Variants in ATP6V1H observed in about 807,000 individuals in gnomAD.
The protein encoded by ATP6V1H is V-type proton ATPase subunit H.
A neutral mutation model predicts 71.7 loss-of-function variants in ATP6V1H; 39 were observed. That is an observed-to-expected ratio of 0.54 (90% CI 0.42 to 0.71). ATP6V1H has a LOEUF of 0.71. Among genes scored for constraint, ATP6V1H ranks in the 30% least tolerant of loss-of-function variants. ATP6V1H has a pLI of 0.00. For synonymous variants in ATP6V1H, 192 were observed against 199.3 expected (o/e 0.96, Z 0.31); for missense variants, 509 against 594.9 (o/e 0.86, Z 1.50).
intron 7 of ATP6V1H, among the ~76,000 whole-genome samples, chr8:53,806,158 G>T (rs967993039): frequency 1.3e-5 from 2 of 152,044 alleles, no homozygotes; most frequent in African/African-American, 2.4e-5. Context: ...ACAAGAATCA[G>T]AAGTTTTGTC....
intron 11 of ATP6V1H, among the ~76,000 whole-genome samples, chr8:53,757,531 T>C (rs922260315): frequency 6.6e-6 from 1 of 152,344 alleles, no homozygotes; most frequent in African/African-American, 2.4e-5. Context: ...AACTTCTCAA[T>C]TCATTCTAAA....
intron 8 of ATP6V1H, among the ~76,000 whole-genome samples, chr8:53,796,280 A>C (rs2130417607): frequency 6.6e-6 from 1 of 152,308 alleles, no homozygotes; most frequent in South Asian, 2.1e-4. Flanking sequence ...TGACATAGCC[A>C]ATTACTGAAT....
chr8:53,716,387 T>C (rs1806423371), intron 13 of ATP6V1H, among the ~76,000 whole-genome samples: 1 of 152,258 alleles, frequency 6.6e-6, no homozygotes, highest in South Asian at 2.1e-4. Flanking sequence ...CTGCCATTTC[T>C]GCAATCTAAG....
intron 4 of ATP6V1H, among the ~76,000 whole-genome samples, chr8:53,818,551 G>A (rs1314404760): frequency 6.6e-6 from 1 of 152,162 alleles, no homozygotes; most frequent in Non-Finnish European, 1.5e-5. Flanking sequence ...TTGTGATAAT[G>A]ATTTTATCAA....
intron 7 of ATP6V1H, among the ~76,000 whole-genome samples, chr8:53,802,478 G>T (rs1405257397): frequency 6.6e-6 from 1 of 152,192 alleles, no homozygotes; most frequent in Non-Finnish European, 1.5e-5. Flanking sequence ...TACCACTTTG[G>T]GAGGCTGAGG....
intron 7 of ATP6V1H, among the ~76,000 whole-genome samples, chr8:53,803,348 A>T (rs1400997417): frequency 6.6e-6 from 1 of 152,040 alleles, no homozygotes; most frequent in African/African-American, 2.4e-5. Flanking sequence ...AAAAAAAAAT[A>T]AAAACAGAAG....
intron 2 of ATP6V1H, among the ~76,000 whole-genome samples, chr8:53,841,199 T>A (rs1016616079): frequency 1.3e-5 from 2 of 152,166 alleles, no homozygotes; most frequent in Non-Finnish European, 2.9e-5. Flanking sequence ...TATGCACCAC[T>A]CTAAAAAGGC....
intron 4 of ATP6V1H, among the ~76,000 whole-genome samples, chr8:53,821,473 T>G (rs1810654554): frequency 6.6e-6 from 1 of 151,798 alleles, no homozygotes; most frequent in Admixed American, 6.6e-5. Flanking sequence ...TTGAGGCCAG[T>G]ATTTCGAGAC....
At chr8:53,738,523 T>C (rs760066529) in intron 13 of ATP6V1H, among the ~76,000 whole-genome samples, 1 of 152,234 alleles carries the variant, frequency 6.6e-6, no homozygotes, top group Non-Finnish European at 1.5e-5. Context: ...CCTGTTTGTC[T>C]ACAAAGCCAA....
chr8:53,807,940 G>GT (rs1399586376), intron 7 of ATP6V1H, among the ~76,000 whole-genome samples: 1 of 152,210 alleles, frequency 6.6e-6, no homozygotes, highest in Admixed American at 6.5e-5. Flanking sequence ...TACAGCTATC[G>GT]TGAGCATTTC....
At chr8:53,721,561 G>T (rs781702490) in intron 13 of ATP6V1H, among the ~76,000 whole-genome samples, 35 of 152,084 alleles carry the variant, frequency 2.3e-4, no homozygotes, top group Non-Finnish European at 3.8e-4. Context: ...GTACAGATGA[G>T]CCCAATTTAT....
intron 11 of ATP6V1H, among the ~76,000 whole-genome samples, chr8:53,762,115 T>A (rs2130279428): frequency 6.6e-6 from 1 of 152,304 alleles, no homozygotes; most frequent in South Asian, 2.1e-4. Context: ...ATTTAGTTTC[T>A]CAGCTACCAA....
chr8:53,739,717 T>C lies in ATP6V1H; in HGVS notation c.1391+3860A>G, dbSNP rs140226002. The C allele has an allele frequency of 2.0e-5, 3 of 152,372 alleles. No individual in the cohort carries two copies. In the East Asian group the frequency reaches 5.8e-4, roughly 29 times the overall value. 9.4% of individuals were successfully genotyped at this position (152,372 alleles called of 1,614,324 possible). A position where few individuals can be genotyped will look rare whatever the true frequency, so the allele number is the denominator to read the frequency against. On this transcript the variant is annotated intron_variant, in intron 13 of 13. Coordinates refer to ENST00000359530, the MANE Select transcript of ATP6V1H (RefSeq NM_015941.4). ...GGTGTATATACACAAGTTCTCTTAGTTGTCACTGTTTATATATTCTGCCAA... is the reference window on the plus strand; with the variant it reads ...GGTGTATATACACAAGTTCTCTTAGCTGTCACTGTTTATATATTCTGCCAA...
chr8:53,757,081 C>T (rs1808092998), intron 11 of ATP6V1H, among the ~76,000 whole-genome samples: 1 of 152,188 alleles, frequency 6.6e-6, no homozygotes. Context: ...CACACGTCTT[C>T]CCCTCTCTCT....
At chr8:53,839,860 T>C in intron 2 of ATP6V1H, 1 of 985,542 alleles carries the variant, frequency 1.0e-6, no homozygotes, top group Non-Finnish European at 1.2e-6. Context: ...TGAAAAGCAC[T>C]GACTGATAGG....
rs182847210 is a variant in ATP6V1H at position 53,825,881 on chromosome 8, T to A, written c.306+3563A>T. ...TTACTCAAAATCTAGATTAAAAAAA[T>A]TTTTTTTTATAAATTAGACTATATA... On this transcript the variant is annotated intron_variant, in intron 4 of 13. Coordinates refer to ENST00000359530, the MANE Select transcript of ATP6V1H (RefSeq NM_015941.4). 3.4e-3 allele frequency among the ~76,000 whole-genome samples: 510 copies of A among 151,790 alleles called. 6 individuals carry two copies. Among genetic ancestry groups the A allele is most frequent in the African/African-American group, 0.01 (433 of 41,446 alleles).
At chr8:53,765,143 T>C (rs1808405874) in intron 11 of ATP6V1H, among the ~76,000 whole-genome samples, 1 of 151,830 alleles carries the variant, frequency 6.6e-6, no homozygotes, top group South Asian at 2.1e-4. Flanking sequence ...GTGGCTCCCA[T>C]CTGTAATCCC....
intron 7 of ATP6V1H, 123 bp downstream of exon 7, chr8:53,811,041 C>G (rs1810257113): frequency 7.5e-6 from 5 of 669,682 alleles, no homozygotes; most frequent in Non-Finnish European, 7.8e-6. Flanking sequence ...TACAATTAAC[C>G]TAACTGGAGG....
At chr8:53,771,955 A>T (rs1335206448) in intron 10 of ATP6V1H, 34 bp downstream of exon 10, 4 of 1,584,752 alleles carry the variant, frequency 2.5e-6, no homozygotes, top group Non-Finnish European at 3.4e-6. Flanking sequence ...AGCCCAACAG[A>T]TCCAGCACAT....
Sources: allele counts gnomAD v4.1 joint callset (sites outside exome capture counted in the v4.1 genomes callset), GRCh38; gene constraint gnomAD v4.1.1; transcripts MANE v1.5; gene names NCBI Gene and HGNC (gene_info 2026-07-23, HGNC 2026-07-21).